Variants in COBL observed in about 807,000 individuals in gnomAD.
COBL encodes the protein cordon-bleu WH2 repeat protein, also known as protein cordon-bleu.
In COBL, 51 loss-of-function variants were observed where a neutral mutation model predicts 98.8. That is an observed-to-expected ratio of 0.52 (90% CI 0.41 to 0.65). COBL has a LOEUF of 0.65. Among genes scored for constraint, COBL ranks in the 30% least tolerant of loss-of-function variants. The pLI, the probability that COBL is intolerant of heterozygous loss-of-function variation, is 0.00. For missense variants in COBL, 1,617 were observed against 1,617.5 expected (o/e 1.00, Z 0.01); for synonymous variants, 634 against 651.7 (o/e 0.97, Z 0.41).
chr7:51,243,905 C>G (rs989389222), intron 1 of COBL, among the ~76,000 whole-genome samples: 1 of 152,172 alleles, frequency 6.6e-6, no homozygotes, highest in Non-Finnish European at 1.5e-5. Flanking sequence ...TTGTCCTATA[C>G]TACAGATGAC....
intron 6 of COBL, among the ~76,000 whole-genome samples, chr7:51,120,324 C>T (rs774704627): frequency 6.6e-5 from 10 of 151,944 alleles, no homozygotes; most frequent in Non-Finnish European, 1.3e-4. Context: ...CATCAGTGAA[C>T]CTTCTTAGGT....
At chr7:51,204,580 T>A (rs1173666893) in intron 2 of COBL, among the ~76,000 whole-genome samples, 1 of 142,200 alleles carries the variant, frequency 7.0e-6, no homozygotes, top group African/African-American at 2.7e-5. Context: ...TAAGACAGAG[T>A]CTCACTCTGT....
At chr7:51,245,665 G>T (rs941949840) in intron 1 of COBL, among the ~76,000 whole-genome samples, 1 of 152,258 alleles carries the variant, frequency 6.6e-6, no homozygotes. Context: ...AATTCCTAGG[G>T]AGTCTATAAC....
chr7:51,213,227 G>A (rs801141), intron 2 of COBL, among the ~76,000 whole-genome samples: 1 of 151,908 alleles, frequency 6.6e-6, no homozygotes, highest in South Asian at 2.1e-4. Context: ...GTCCCCAACC[G>A]CCTGCCACAG....
At chr7:51,080,917 G>T (rs1793591170) in intron 7 of COBL, among the ~76,000 whole-genome samples, 1 of 151,610 alleles carries the variant, frequency 6.6e-6, no homozygotes, top group Admixed American at 6.6e-5. Context: ...CAAATGAAAA[G>T]ATTCATTTTC....
At chr7:51,043,058 T>C (rs1291168012) in intron 8 of COBL, among the ~76,000 whole-genome samples, 2 of 152,254 alleles carry the variant, frequency 1.3e-5, no homozygotes, top group African/African-American at 4.8e-5. Flanking sequence ...TAAGTGTTCA[T>C]TATCAGGAAA....
chr7:51,250,598 C>A (rs960761911), intron 1 of COBL, among the ~76,000 whole-genome samples: 9 of 152,074 alleles, frequency 5.9e-5, no homozygotes, highest in Non-Finnish European at 8.8e-5. Flanking sequence ...CTTTTATTGT[C>A]CAGGTACTTT....
chr7:51,216,993 A>G (rs1793110209), intron 2 of COBL, among the ~76,000 whole-genome samples: 1 of 152,244 alleles, frequency 6.6e-6, no homozygotes, highest in Non-Finnish European at 1.5e-5. Flanking sequence ...TGCATCCGCA[A>G]TAGTTATCCC....
At chr7:51,130,485 G>T (rs1196448546) in intron 6 of COBL, among the ~76,000 whole-genome samples, 1 of 152,192 alleles carries the variant, frequency 6.6e-6, no homozygotes, top group African/African-American at 2.4e-5. Flanking sequence ...GATGAGTATT[G>T]CAATGACCTC....
At chr7:51,208,308 G>A (rs1163147806) in intron 2 of COBL, among the ~76,000 whole-genome samples, 4 of 151,456 alleles carry the variant, frequency 2.6e-5, no homozygotes, top group African/African-American at 4.9e-5. Context: ...GAGCGTCTCC[G>A]CCCGGCAGCC....
intron 1 of COBL, among the ~76,000 whole-genome samples, chr7:51,247,701 C>T (rs898274099): frequency 6.6e-6 from 1 of 152,176 alleles, no homozygotes; most frequent in African/African-American, 2.4e-5. Context: ...ATCACTCCAG[C>T]AAACAGTGGC....
intron 1 of COBL, among the ~76,000 whole-genome samples, chr7:51,300,224 C>G (rs7790581): frequency 0.019 from 2,839 of 152,180 alleles, 84 homozygotes; most frequent in African/African-American, 0.064. Flanking sequence ...GCAGTGGCAT[C>G]ATGTCGGCTC....
chr7:51,108,958 C>CACACACA (rs1562923478), intron 6 of COBL, among the ~76,000 whole-genome samples: 11,367 of 83,764 alleles, frequency 0.14, 609 homozygotes, highest in Middle Eastern at 0.19. Flanking sequence ...ACACACACAC[C>CACACACA]CCCTGCCCCA....
intron 5 of COBL, among the ~76,000 whole-genome samples, chr7:51,176,866 A>G (rs573608475): frequency 1.6e-4 from 25 of 152,336 alleles, no homozygotes; most frequent in African/African-American, 6.0e-4. Context: ...ACATGGTACC[A>G]AACTGACTTA....
At chr7:51,063,134 C>A (rs1171174815) in intron 7 of COBL, among the ~76,000 whole-genome samples, 1 of 88,444 alleles carries the variant, frequency 1.1e-5, no homozygotes, top group Non-Finnish European at 2.1e-5. Context: ...AACATTTTCT[C>A]TCTCTTTTTT....
At chr7:51,274,912 T>C (rs920637136) in intron 1 of COBL, among the ~76,000 whole-genome samples, 10 of 152,236 alleles carry the variant, frequency 6.6e-5, no homozygotes, top group Non-Finnish European at 2.9e-5. Context: ...ATAGCAATCA[T>C]TTGATTTGAT....
intron 12 of COBL, among the ~76,000 whole-genome samples, chr7:51,020,697 T>C (rs1308582731): frequency 6.6e-6 from 1 of 151,874 alleles, no homozygotes; most frequent in Non-Finnish European, 1.5e-5. Context: ...TCAGGAGGAG[T>C]GGGTGTTCCA....
chr7:51,187,956 G>A (rs1190008916), intron 4 of COBL: 11 of 1,232,250 alleles, frequency 8.9e-6, no homozygotes, highest in African/African-American at 6.2e-5. Flanking sequence ...TTGCTCAGAC[G>A]AACTGGAAAA....
chr7:51,094,845 G>T (rs184141587), intron 6 of COBL, among the ~76,000 whole-genome samples: 4 of 152,174 alleles, frequency 2.6e-5, no homozygotes, highest in Admixed American at 6.5e-5. Context: ...ATGAAAATAT[G>T]TACTTTGTGA....
Sources: allele counts gnomAD v4.1 joint callset (sites outside exome capture counted in the v4.1 genomes callset), GRCh38; gene constraint gnomAD v4.1.1; transcripts MANE v1.5; gene names NCBI Gene and HGNC (gene_info 2026-07-23, HGNC 2026-07-21).